Variants in GRM1 observed in about 807,000 individuals in gnomAD.
GRM1 encodes the protein glutamate metabotropic receptor 1, also known as metabotropic glutamate receptor 1.
In GRM1, 33 loss-of-function variants were observed where a neutral mutation model predicts 90.9. The ratio of observed to expected loss-of-function variants is 0.36; its 90% CI spans 0.28 to 0.49. GRM1 has a LOEUF of 0.49. Among genes scored for constraint, GRM1 ranks in the 20% least tolerant of loss-of-function variants. The pLI is 0.99. For synonymous variants in GRM1, 700 were observed against 613.2 expected (o/e 1.14, Z -2.09); for missense variants, 1,190 against 1,534.3 (o/e 0.78, Z 3.75).
chr6:146,087,817 TAC>T (rs929432544), intron 1 of GRM1, among the ~76,000 whole-genome samples: 4 of 152,212 alleles, frequency 2.6e-5, no homozygotes, highest in Admixed American at 6.5e-5. Context: ...CACATGGATT[TAC>T]AGTTTGTCTT....
At chr6:146,107,470 C>T (rs1199542771) in intron 1 of GRM1, among the ~76,000 whole-genome samples, 1 of 152,054 alleles carries the variant, frequency 6.6e-6, no homozygotes, top group Admixed American at 6.6e-5. Flanking sequence ...AGGCTTCCTG[C>T]AGGCAATTGC....
intron 1 of GRM1, among the ~76,000 whole-genome samples, chr6:146,043,811 A>ATATATAT (rs1554260501): frequency 6.2e-5 from 9 of 145,574 alleles, no homozygotes; most frequent in South Asian, 4.3e-4. Context: ...ATATATATAT[A>ATATATAT]AAGGGAAGTG....
At chr6:146,306,326 C>A (rs565407574) in intron 3 of GRM1, among the ~76,000 whole-genome samples, 4 of 152,152 alleles carry the variant, frequency 2.6e-5, no homozygotes, top group Non-Finnish European at 5.9e-5. Context: ...TCATCCAAGA[C>A]AGTCTCCTTA....
intron 3 of GRM1, among the ~76,000 whole-genome samples, chr6:146,317,513 T>C (rs1210693937): frequency 6.6e-6 from 1 of 152,206 alleles, no homozygotes; most frequent in Non-Finnish European, 1.5e-5. Flanking sequence ...TTCGTTGTGT[T>C]ATAGGAACCC....
chr6:146,161,649 G>A (rs908983334), intron 2 of GRM1, among the ~76,000 whole-genome samples: 8 of 152,114 alleles, frequency 5.3e-5, no homozygotes, highest in South Asian at 2.1e-4. Flanking sequence ...AATAGTTACG[G>A]TCACTGATGC....
intron 2 of GRM1, among the ~76,000 whole-genome samples, chr6:146,185,674 C>A (rs1286404685): frequency 4.6e-5 from 7 of 152,142 alleles, no homozygotes; most frequent in Admixed American, 3.9e-4. Flanking sequence ...GAGTAAAATT[C>A]TCTGAAAACT....
At chr6:146,269,044 A>G (rs1035538357) in intron 2 of GRM1, among the ~76,000 whole-genome samples, 1 of 152,200 alleles carries the variant, frequency 6.6e-6, no homozygotes, top group Non-Finnish European at 1.5e-5. Flanking sequence ...CCCTAGACTT[A>G]CAAAAGGTAC....
chr6:146,313,317 T>C (rs1358514411), intron 3 of GRM1, among the ~76,000 whole-genome samples: 1 of 152,218 alleles, frequency 6.6e-6, no homozygotes, highest in Non-Finnish European at 1.5e-5. Context: ...TTTCTTCTTA[T>C]TGAATAAAAT....
At chr6:146,294,522 A>G (rs549082555) in intron 2 of GRM1, among the ~76,000 whole-genome samples, 9 of 151,140 alleles carry the variant, frequency 6.0e-5, no homozygotes, top group Admixed American at 2.0e-4. Context: ...ATGCCATCGA[A>G]ACACATTCTC....
chr6:146,377,207 C>A (rs1776134299), intron 5 of GRM1, among the ~76,000 whole-genome samples: 1 of 151,990 alleles, frequency 6.6e-6, no homozygotes, highest in Admixed American at 6.6e-5. Context: ...TGTAAAGATA[C>A]TGAAAATGTG....
chr6:146,434,011 A>G lies in GRM1; in HGVS notation c.2800A>G (p.Thr934Ala), dbSNP rs1379536128. 1.2e-6 allele frequency: 2 copies of G among 1,613,986 alleles called. No homozygotes were observed. The highest frequency in any genetic ancestry group is 2.7e-5 in the African/African-American group (2 of 74,910). The change falls in exon 8 of 8, where the codon ACT (threonine) becomes GCT (alanine). Residue 934 changes from threonine (T) to alanine (A), a missense_variant. This residue lies in a region of GRM1 where 400 missense variants were observed against 360.8 expected (regional missense o/e 1.11). Coordinates refer to ENST00000282753, the MANE Select transcript of GRM1 (RefSeq NM_001278064.2). Reference sequence around the variant, plus strand: ...CCAAACAGCCGTCATCAAGCCCCTCACTAAAAGTTACCAAGGCTCTGGCAA... The same window carrying G: ...CCAAACAGCCGTCATCAAGCCCCTCGCTAAAAGTTACCAAGGCTCTGGCAA... ...CNQTAVIKPLTKSYQGSGKSL... is the reference protein window; with the variant it reads ...CNQTAVIKPLAKSYQGSGKSL...
intron 4 of GRM1, among the ~76,000 whole-genome samples, chr6:146,354,264 A>G (rs1163346413): frequency 6.6e-6 from 1 of 152,232 alleles, no homozygotes; most frequent in Admixed American, 6.5e-5. Context: ...AGGAGCAACA[A>G]GTGAGTCTGA....
chr6:146,346,594 C>A (rs1350373686), intron 3 of GRM1, among the ~76,000 whole-genome samples: 1 of 152,134 alleles, frequency 6.6e-6, no homozygotes, highest in African/African-American at 2.4e-5. Context: ...CAAATTCTCC[C>A]TGGAAGAGCA....
intron 3 of GRM1, 88 bp downstream of exon 3, chr6:146,304,934 C>A (rs1237997653): frequency 2.1e-6 from 2 of 947,536 alleles, no homozygotes; most frequent in East Asian, 2.4e-5. Context: ...TAGAAGGTGC[C>A]AGGGCTAGAG....
At chr6:146,052,026 C>T (rs1470583777) in intron 1 of GRM1, among the ~76,000 whole-genome samples, 1 of 152,010 alleles carries the variant, frequency 6.6e-6, no homozygotes, top group African/African-American at 2.4e-5. Context: ...TCTTATATCT[C>T]TTCTGATTTA....
chr6:146,067,767 A>T (rs1243913981), intron 1 of GRM1, among the ~76,000 whole-genome samples: 3 of 152,190 alleles, frequency 2.0e-5, no homozygotes, highest in Admixed American at 6.5e-5. Flanking sequence ...GTTTCCAAAG[A>T]TAAAGACTTT....
intron 7 of GRM1, among the ~76,000 whole-genome samples, chr6:146,408,673 T>C (rs1279711577): frequency 6.6e-6 from 1 of 152,118 alleles, no homozygotes; most frequent in African/African-American, 2.4e-5. Context: ...ATTCGTGCTA[T>C]AAAAAATAGA....
intron 2 of GRM1, among the ~76,000 whole-genome samples, chr6:146,274,086 A>G (rs1018841750): frequency 5.9e-5 from 9 of 152,220 alleles, no homozygotes; most frequent in African/African-American, 2.2e-4. Flanking sequence ...TAGCTACAAT[A>G]AGAATGTATC....
chr6:146,283,764 C>A (rs1223234796), intron 2 of GRM1, among the ~76,000 whole-genome samples: 3 of 152,058 alleles, frequency 2.0e-5, no homozygotes, highest in African/African-American at 7.2e-5. Flanking sequence ...AAGTAATTTG[C>A]CCAAGGTCAC....
Sources: gnomAD v4.1 joint callset for allele counts (sites outside exome capture counted in the v4.1 genomes callset) on GRCh38, gnomAD v4.1.1 for gene constraint, gnomAD v4.1.1 regional missense constraint, MANE v1.5 for transcripts, NCBI Gene and HGNC (gene_info 2026-07-23, HGNC 2026-07-21) for gene names.